The following CDC42BPB variants were observed in gnomAD, a reference collection of about 807,000 sequenced individuals.
The protein encoded by CDC42BPB is CDC42 binding protein kinase beta, also known as serine/threonine-protein kinase MRCK beta.
A neutral mutation model predicts 214.9 loss-of-function variants in CDC42BPB; 37 were observed. The observed-to-expected ratio is 0.17, with a 90% confidence interval of 0.13 to 0.23. The LOEUF (loss-of-function observed/expected upper bound fraction) is 0.23. CDC42BPB is among the 10% of genes least tolerant of loss of function. CDC42BPB has a pLI of 1.00. For synonymous variants in CDC42BPB, 931 were observed against 884.0 expected, an observed-to-expected ratio of 1.05 and a Z score of -0.94; for missense variants, 1,694 against 2,227.0, an observed-to-expected ratio of 0.76 and a Z score of 4.82.
chr14:102,985,376 T>G (rs1885407), intron 6 of CDC42BPB, among the ~76,000 whole-genome samples: 123,459 of 144,310 alleles, frequency 0.86, 52,341 homozygotes, highest in Middle Eastern at 0.9. Flanking sequence ...CCCATGCTCT[T>G]GTTATACCGT....
rs1266945982 is a variant in CDC42BPB at position 103,002,000 on chromosome 14, G to A, written c.447+1928C>T. Among the ~76,000 whole-genome samples the A allele has an allele frequency of 1.3e-5, 2 of 152,208 alleles. No homozygotes were observed. Among genetic ancestry groups the A allele is most frequent in the Non-Finnish European group, 2.9e-5 (2 of 68,044 alleles). On this transcript the variant is annotated intron_variant, in intron 4 of 36. Transcript: ENST00000361246. This position sits in a 1 kb window ranked among gnomAD's most constrained non-coding sequence, Gnocchi z 5.8. ...TAGTCTGTCCTGTCACAGAACGCGG[G>A]GTGCTGAGTTAAGCCAGTAAGTTTT...
chr14:102,941,918 C>G (rs974633229), intron 30 of CDC42BPB, among the ~76,000 whole-genome samples: 1 of 152,192 alleles, frequency 6.6e-6, no homozygotes, highest in Non-Finnish European at 1.5e-5. Flanking sequence ...TTGACCAGCT[C>G]TGAAACTCAT....
At chr14:103,050,275 G>C (rs1396115577) in intron 1 of CDC42BPB, among the ~76,000 whole-genome samples, 1 of 152,150 alleles carries the variant, frequency 6.6e-6, no homozygotes, top group Non-Finnish European at 1.5e-5. Context: ...GAAAGAAAAG[G>C]CTAAAATAAA....
chr14:102,949,045 G>C (rs1892354569), intron 26 of CDC42BPB, among the ~76,000 whole-genome samples: 1 of 152,180 alleles, frequency 6.6e-6, no homozygotes, highest in South Asian at 2.1e-4. Context: ...TGAGCCCAGA[G>C]CAGTCCCGTG....
intron 21 of CDC42BPB, 163 bp from the exon 22 acceptor site, chr14:102,954,851 C>T (rs1262450598): frequency 2.0e-6 from 2 of 983,502 alleles, no homozygotes; most frequent in Non-Finnish European, 2.4e-6. Flanking sequence ...CCTCACAGAC[C>T]CCTGCTCCAC....
rs1891453865 is a variant in CDC42BPB at position 102,932,886 on chromosome 14, G to GA, written c.*825_*826insT. On this transcript the variant is annotated 3_prime_UTR_variant, in exon 37 of 37. Transcript: ENST00000361246. ...GGGGGCAGGACTGGTGGGGGGGGGGGCGGGCAGGGCGGGGCGGGGTGGGGT... is the reference window on the plus strand; with the variant it reads ...GGGGGCAGGACTGGTGGGGGGGGGGGACGGGCAGGGCGGGGCGGGGTGGGGT... 1 of 109,868 alleles carries GA rather than the reference G, an allele frequency of 9.1e-6. No homozygotes were observed. Among genetic ancestry groups the GA allele is most frequent in the Non-Finnish European group, 1.8e-5 (1 of 54,880 alleles). 6.8% of individuals were successfully genotyped at this position (109,868 alleles called of 1,614,324 possible).
chr14:102,965,011 C>T lies in CDC42BPB; in HGVS notation c.2578-361G>A, dbSNP rs558372558. ...CGTGATCTCAGCTTACCGCGACCTCCGCCTCTTGGGTTCAAGCGATTTTCC... is the reference window on the plus strand; with the variant it reads ...CGTGATCTCAGCTTACCGCGACCTCTGCCTCTTGGGTTCAAGCGATTTTCC... On this transcript the variant is annotated intron_variant, in intron 18 of 36. Coordinates refer to ENST00000361246, the MANE Select transcript of CDC42BPB (RefSeq NM_006035.4). 4.1e-3 allele frequency among the ~76,000 whole-genome samples: 626 copies of T among 152,076 alleles called. 5 individuals carry two copies. The highest frequency in any genetic ancestry group is 6.8e-3 in the Middle Eastern group (2 of 294).
chr14:102,999,796 G>A, intron 4 of CDC42BPB, 83 bp from the exon 5 acceptor site: 21 of 1,555,238 alleles, frequency 1.4e-5, no homozygotes, highest in Non-Finnish European at 1.8e-5. Flanking sequence ...CTTCCATGGC[G>A]AGGTTCTCAG....
At chr14:102,993,845 A>G (rs1894605809) in intron 5 of CDC42BPB, among the ~76,000 whole-genome samples, 1 of 152,230 alleles carries the variant, frequency 6.6e-6, no homozygotes, top group African/African-American at 2.4e-5. Context: ...GAAATGGATT[A>G]AAGACAAGGA....
At chr14:103,045,384 G>A (rs905115714) in intron 1 of CDC42BPB, among the ~76,000 whole-genome samples, 13 of 152,224 alleles carry the variant, frequency 8.5e-5, no homozygotes, top group African/African-American at 2.6e-4. Flanking sequence ...AGTTTCTATA[G>A]GCAACTCCTG....
At position 102,933,235 on chromosome 14, in the gene CDC42BPB, TTCCTG is replaced by T. The variant is rs1369658860; in HGVS notation, c.*472_*476del. On this transcript the variant is annotated 3_prime_UTR_variant, in exon 37 of 37. Coordinates refer to ENST00000361246, the MANE Select transcript of CDC42BPB (RefSeq NM_006035.4). ...AAAAGGCCACAGACTAACCTCCACT[TTCCTG>T]TCTTCAAAATTCTAGTGACACTGGG... The T allele has an allele frequency of 2.6e-5, 4 of 153,518 alleles. No homozygotes were observed. The highest frequency in any genetic ancestry group is 4.4e-5 in the Non-Finnish European group (3 of 68,930). 9.5% of individuals were successfully genotyped at this position (153,518 alleles called of 1,614,324 possible). A position where few individuals can be genotyped will look rare whatever the true frequency, so the allele number is the denominator to read the frequency against.
At chr14:103,050,337 G>A (rs1345255785) in intron 1 of CDC42BPB, among the ~76,000 whole-genome samples, 2 of 152,216 alleles carry the variant, frequency 1.3e-5, no homozygotes, top group East Asian at 3.9e-4. Flanking sequence ...GCTGACCGCA[G>A]TCCTGTGAAG....
rs556059033 is a variant in CDC42BPB, at chr14:102,948,874, C to T, written c.3449+891G>A. Among the ~76,000 whole-genome samples the T allele has an allele frequency of 1.2e-4, 18 of 152,188 alleles. 1 individual carries two copies. In the South Asian group the frequency reaches 3.3e-3, roughly 28 times the overall value. On this transcript the variant is annotated intron_variant, in intron 26 of 36. Coordinates refer to ENST00000361246, the MANE Select transcript of CDC42BPB (RefSeq NM_006035.4). ...CTTCACCACCAGGCCAGGGGCACAC[C>T]TGTGCACAGCCAGGGACTGGCGGGT...
chr14:102,960,676 G>A (rs1892918463), intron 20 of CDC42BPB, among the ~76,000 whole-genome samples: 1 of 152,092 alleles, frequency 6.6e-6, no homozygotes, highest in African/African-American at 2.4e-5. Context: ...AATGGAACAG[G>A]GGAGAAGATC....
intron 18 of CDC42BPB, 101 bp downstream of exon 18, chr14:102,966,181 A>G: frequency 2.4e-6 from 2 of 844,330 alleles, no homozygotes; most frequent in Admixed American, 2.2e-5. Flanking sequence ...AGTCTCTTGC[A>G]TCACTGTAAT....
At position 103,003,973 on chromosome 14, in the gene CDC42BPB, C is replaced by T. The variant is rs1402709040; in HGVS notation, c.402G>A (p.Gln134=). Reference sequence around the variant, plus strand: ...AGGCGTAGTGCAGCGCGGTGATCCACTGGCAGTCGCCGTTCACCAGCACAT... The same window carrying T: ...AGGCGTAGTGCAGCGCGGTGATCCATTGGCAGTCGCCGTTCACCAGCACAT... The part of the protein sequence containing the change: ...ERDVLVNGDC[Q]WITALHYAFQ... The change falls in exon 4 of 37, where the codon CAG becomes CAA. Residue 134 remains glutamine (Q), a synonymous_variant. Coordinates refer to ENST00000361246, the MANE Select transcript of CDC42BPB (RefSeq NM_006035.4). 1 of 1,611,340 alleles carries T rather than the reference C, an allele frequency of 6.2e-7. No individual in the cohort carries two copies. The highest frequency in any genetic ancestry group is 8.5e-7 in the Non-Finnish European group (1 of 1,179,530).
intron 36 of CDC42BPB, among the ~76,000 whole-genome samples, chr14:102,934,432 G>A (rs1307911295): frequency 6.6e-6 from 1 of 152,212 alleles, no homozygotes; most frequent in Non-Finnish European, 1.5e-5. Context: ...TGCTGGGGAG[G>A]CTGAGGCAGG....
chr14:102,940,537 C>A (rs1891845120), intron 30 of CDC42BPB: 2 of 1,308,712 alleles, frequency 1.5e-6, no homozygotes, highest in South Asian at 1.5e-5. Flanking sequence ...AAATGCTCCA[C>A]AATCACTTCC....
intron 5 of CDC42BPB, among the ~76,000 whole-genome samples, chr14:102,994,658 C>T (rs1894646106): frequency 1.3e-5 from 2 of 152,246 alleles, no homozygotes; most frequent in Non-Finnish European, 2.9e-5. Flanking sequence ...GCATTTTCTC[C>T]CAGCTGCTGA....
Sources: gnomAD v4.1 joint callset for allele counts (sites outside exome capture counted in the v4.1 genomes callset) on GRCh38, gnomAD v4.1.1 for gene constraint, Gnocchi (gnomAD v3.1) non-coding constraint, MANE v1.5 for transcripts, NCBI Gene and HGNC (gene_info 2026-07-23, HGNC 2026-07-21) for gene names.